Variants in PEX5L observed in about 807,000 individuals in gnomAD.
PEX5L encodes PEX5-related protein.
In PEX5L, 30 loss-of-function variants were observed where a neutral mutation model predicts 84.0. The ratio of observed to expected loss-of-function variants is 0.36; its 90% CI spans 0.27 to 0.48. The LOEUF (loss-of-function observed/expected upper bound fraction) is 0.48, where lower values mean the gene tolerates loss of function less well. Ranked by LOEUF, PEX5L falls within the 20% of genes least tolerant of loss-of-function variation. PEX5L has a pLI of 0.99. For synonymous variants in PEX5L, 270 were observed against 283.1 expected (o/e 0.95, Z 0.46); for missense variants, 533 against 754.6 (o/e 0.71, Z 3.44).
chr3:179,811,721 G>T, intron 11 of PEX5L, 80 bp downstream of exon 11: 1 of 1,053,550 alleles, frequency 9.5e-7, no homozygotes, highest in South Asian at 1.3e-5. Flanking sequence ...CTTCAGTAAA[G>T]ATCAAAAGAC....
chr3:179,806,086 A>T (rs762405068), intron 14 of PEX5L, among the ~76,000 whole-genome samples: 11 of 150,740 alleles, frequency 7.3e-5, no homozygotes, highest in Non-Finnish European at 1.3e-4. Context: ...TATATGTTTT[A>T]TATATATATA....
chr3:179,816,731 C>T (rs1560210373), intron 9 of PEX5L, among the ~76,000 whole-genome samples: 1 of 151,932 alleles, frequency 6.6e-6, no homozygotes, highest in Non-Finnish European at 1.5e-5. Flanking sequence ...GAACTTAAAG[C>T]ATAATAAACA....
chr3:179,910,635 C>T (rs1764843063), intron 2 of PEX5L, among the ~76,000 whole-genome samples: 1 of 152,192 alleles, frequency 6.6e-6, no homozygotes, highest in South Asian at 2.1e-4. Flanking sequence ...GTAGGGCTTA[C>T]ACCTTGTCTC....
chr3:179,900,838 T>TA (rs1348949766), intron 2 of PEX5L: 10 of 723,466 alleles, frequency 1.4e-5, no homozygotes, highest in Non-Finnish European at 2.4e-5. Flanking sequence ...GTCACTGTTT[T>TA]ACAAGTGCGG....
intron 2 of PEX5L, among the ~76,000 whole-genome samples, chr3:179,964,661 A>C (rs1309118688): frequency 6.6e-6 from 1 of 152,230 alleles, no homozygotes; most frequent in Non-Finnish European, 1.5e-5. Context: ...CACTTTTTAA[A>C]AGAAGACATA....
intron 8 of PEX5L, among the ~76,000 whole-genome samples, chr3:179,832,695 C>T (rs990108517): frequency 5.3e-5 from 8 of 151,624 alleles, no homozygotes; most frequent in Admixed American, 1.3e-4. Context: ...CACCCACTTA[C>T]CTACCCACCA....
chr3:179,925,363 T>TTA (rs1553901401), intron 2 of PEX5L, among the ~76,000 whole-genome samples: 2 of 151,704 alleles, frequency 1.3e-5, no homozygotes, highest in Non-Finnish European at 2.9e-5. Context: ...TAGTTTTTTT[T>TTA]ATGTGTCCTT....
chr3:179,978,682 G>T (rs1786036051), intron 1 of PEX5L, among the ~76,000 whole-genome samples: 2 of 152,120 alleles, frequency 1.3e-5, no homozygotes, highest in African/African-American at 4.8e-5. Flanking sequence ...AAGCTTCCAA[G>T]ATCAGAGCAC....
rs752993696 is a variant in PEX5L, at chr3:179,874,366, A to T, written c.687T>A (p.Ser229=). The change falls in exon 7 of 15, where the codon TCT becomes TCA. Residue 229 remains serine (S), a synonymous_variant. Transcript: ENST00000467460. ...ELSGGKSALN[S]ESASELELVA... ...CTAATTCCAATTCTGAAGCCGACTC[A>T]GAGTTGAGGGCGCTTTTTCCACCAC... 6.2e-7 allele frequency: 1 copy of T among 1,612,936 alleles called. No homozygotes were observed. Among genetic ancestry groups the T allele is most frequent in the Non-Finnish European group, 8.5e-7 (1 of 1,179,228 alleles).
rs532682144 is a variant in PEX5L, at chr3:179,841,934, A to G, written c.822+17128T>C. ...AAATTAGATGTCACTGGTATAGATGAGATAAATAGCACACAGCATAGTTCG... is the reference window on the plus strand; with the variant it reads ...AAATTAGATGTCACTGGTATAGATGGGATAAATAGCACACAGCATAGTTCG... On this transcript the variant is annotated intron_variant, in intron 8 of 14. Coordinates refer to ENST00000467460, the MANE Select transcript of PEX5L (RefSeq NM_016559.3). Among the ~76,000 whole-genome samples, 9 of 152,346 alleles carry G rather than the reference A, an allele frequency of 5.9e-5. No homozygotes were observed. The South Asian group carries it at 1.7e-3, about 28-fold the overall frequency.
At chr3:179,826,033 C>A (rs1017994827) in intron 8 of PEX5L, among the ~76,000 whole-genome samples, 1 of 152,164 alleles carries the variant, frequency 6.6e-6, no homozygotes, top group African/African-American at 2.4e-5. Flanking sequence ...CAGATGCTGG[C>A]AGGCACCTGG....
At chr3:179,834,529 G>A (rs1208008315) in intron 8 of PEX5L, among the ~76,000 whole-genome samples, 3 of 152,208 alleles carry the variant, frequency 2.0e-5, no homozygotes, top group Admixed American at 6.5e-5. Flanking sequence ...GGGCCCTGCC[G>A]TGGAGGCCTT....
chr3:179,949,783 T>C (rs1013529909), intron 2 of PEX5L, among the ~76,000 whole-genome samples: 1 of 152,186 alleles, frequency 6.6e-6, no homozygotes, highest in Non-Finnish European at 1.5e-5. Flanking sequence ...ACAGGTTACC[T>C]AGAGGGACAG....
chr3:179,983,649 T>A (rs1227994095), intron 1 of PEX5L, among the ~76,000 whole-genome samples: 1 of 152,070 alleles, frequency 6.6e-6, no homozygotes. Flanking sequence ...TATGACAAGC[T>A]ATGATTACTC....
intron 2 of PEX5L, chr3:179,900,532 C>T (rs1395547290): frequency 4.8e-6 from 3 of 620,718 alleles, no homozygotes; most frequent in Non-Finnish European, 8.5e-6. Flanking sequence ...AGGGACATGC[C>T]ATTTCACTAA....
chr3:179,934,976 G>T (rs936577693), intron 2 of PEX5L, among the ~76,000 whole-genome samples: 1 of 151,770 alleles, frequency 6.6e-6, no homozygotes, highest in African/African-American at 2.4e-5. Flanking sequence ...ACCTGATTTT[G>T]GCAGAAATAA....
chr3:179,914,711 C>T (rs1057217447), intron 2 of PEX5L, among the ~76,000 whole-genome samples: 1 of 152,180 alleles, frequency 6.6e-6, no homozygotes, highest in South Asian at 2.1e-4. Context: ...ACATCCGAGG[C>T]AAAGACAAGG....
intron 2 of PEX5L, among the ~76,000 whole-genome samples, chr3:179,908,463 CTTTT>C (rs1169185357): frequency 6.6e-6 from 1 of 152,138 alleles, no homozygotes; most frequent in Non-Finnish European, 1.5e-5. Context: ...TCTGTTTTAT[CTTTT>C]TTTATTTTAT....
At chr3:179,950,576 T>C (rs566855283) in intron 2 of PEX5L, among the ~76,000 whole-genome samples, 4 of 152,202 alleles carry the variant, frequency 2.6e-5, no homozygotes, top group Non-Finnish European at 2.9e-5. Flanking sequence ...TTTAGTTTGA[T>C]CTAATAGCAT....
Sources: gnomAD v4.1 joint callset for allele counts (sites outside exome capture counted in the v4.1 genomes callset) on GRCh38, gnomAD v4.1.1 for gene constraint, MANE v1.5 for transcripts, NCBI Gene and HGNC (gene_info 2026-07-23, HGNC 2026-07-21) for gene names.